The following ZRANB1 variants were observed in gnomAD, a reference collection of about 807,000 sequenced individuals.
ZRANB1 encodes the protein ubiquitin thioesterase ZRANB1.
In ZRANB1, 16 loss-of-function variants were observed where a neutral mutation model predicts 80.5. The ratio of observed to expected loss-of-function variants is 0.20; its 90% confidence interval spans 0.13 to 0.30. The LOEUF (loss-of-function observed/expected upper bound fraction) is 0.30, where lower values mean the gene tolerates loss of function less well. ZRANB1 is among the 10% of genes least tolerant of loss of function. The pLI is 1.00. For synonymous variants in ZRANB1, 291 were observed against 293.1 expected, an observed-to-expected ratio of 0.99 and a Z score of 0.07; for missense variants, 576 against 862.6, an observed-to-expected ratio of 0.67 and a Z score of 4.16.
intron 2 of ZRANB1, among the ~76,000 whole-genome samples, chr10:124,971,757 G>A (rs1001208386): frequency 2.0e-5 from 3 of 152,172 alleles, no homozygotes; most frequent in Non-Finnish European, 2.9e-5. Context: ...GAGAATTACT[G>A]AATCAGAGGA....
At chr10:124,964,656 C>T (rs1390978176) in intron 1 of ZRANB1, among the ~76,000 whole-genome samples, 1 of 152,114 alleles carries the variant, frequency 6.6e-6, no homozygotes, top group Non-Finnish European at 1.5e-5. Flanking sequence ...TGATCAGACT[C>T]TTGGGTTGTT....
chr10:124,979,037 CAAAG>C (rs200283516), intron 5 of ZRANB1, among the ~76,000 whole-genome samples: 1,924 of 152,064 alleles, frequency 0.013, 18 homozygotes, highest in Middle Eastern at 0.024. Context: ...TGTCTGAAAA[CAAAG>C]AAAAACACAA....
intron 2 of ZRANB1, among the ~76,000 whole-genome samples, chr10:124,971,623 C>T (rs891752573): frequency 3.3e-5 from 5 of 152,242 alleles, no homozygotes; most frequent in South Asian, 2.1e-4. Flanking sequence ...ATTGTGTGCA[C>T]GATGGTTAGT....
At chr10:124,953,873 G>A (rs1262902333) in intron 1 of ZRANB1, among the ~76,000 whole-genome samples, 1 of 152,016 alleles carries the variant, frequency 6.6e-6, no homozygotes, top group African/African-American at 2.4e-5. Context: ...TAAGTGCTGG[G>A]TTATGAACTC....
At chr10:124,962,122 T>G (rs955243269) in intron 1 of ZRANB1, among the ~76,000 whole-genome samples, 1 of 152,248 alleles carries the variant, frequency 6.6e-6, no homozygotes, top group African/African-American at 2.4e-5. Context: ...AGCCAAATGC[T>G]TATGATATAA....
At chr10:124,929,713 C>T in the ZRANB1 span, among the ~76,000 whole-genome samples, 580 of 151,438 alleles carry the variant, frequency 3.8e-3, 6 homozygotes, top group African/African-American at 0.014. Flanking sequence ...TGTGGGAGGC[C>T]GAGGCGGGTG....
chr10:124,935,865 G>A, the ZRANB1 span, among the ~76,000 whole-genome samples: 1 of 152,136 alleles, frequency 6.6e-6, no homozygotes, highest in East Asian at 1.9e-4. Context: ...TCGAAGGGAG[G>A]GATGGAAATA....
chr10:124,967,937 T>A (rs1417700669), intron 2 of ZRANB1, among the ~76,000 whole-genome samples: 114 of 152,100 alleles, frequency 7.5e-4, no homozygotes, highest in African/African-American at 2.7e-3. Flanking sequence ...CTCACTCTGT[T>A]GCCCAGGCTG....
intron 5 of ZRANB1, among the ~76,000 whole-genome samples, chr10:124,977,801 G>A (rs891687030): frequency 1.3e-5 from 2 of 151,908 alleles, no homozygotes; most frequent in Non-Finnish European, 2.9e-5. Context: ...GGCTACTAGG[G>A]TGAGAAGGAA....
chr10:124,975,884 C>T (rs1316177251), intron 5 of ZRANB1, among the ~76,000 whole-genome samples: 1 of 152,086 alleles, frequency 6.6e-6, no homozygotes, highest in African/African-American at 2.4e-5. Flanking sequence ...TGCCTATAAT[C>T]CCAGCTATTC....
intron 1 of ZRANB1, among the ~76,000 whole-genome samples, chr10:124,944,561 C>T (rs117886104): frequency 0.083 from 12,050 of 144,402 alleles, 674 homozygotes; most frequent in Admixed American, 0.16. Context: ...TCATGGCTCA[C>T]TGCAGCCTCA....
At chr10:124,968,899 A>G (rs968203820) in intron 2 of ZRANB1, among the ~76,000 whole-genome samples, 1 of 152,192 alleles carries the variant, frequency 6.6e-6, no homozygotes, top group Non-Finnish European at 1.5e-5. Context: ...AAGACAACAA[A>G]TGTATGTTAT....
At chr10:124,961,116 C>T (rs1462789627) in intron 1 of ZRANB1, among the ~76,000 whole-genome samples, 30 of 152,200 alleles carry the variant, frequency 2.0e-4, no homozygotes, top group Admixed American at 1.9e-3. Flanking sequence ...ATTCTCCTGC[C>T]TCAGCCTCCC....
rs543688372 is a variant in ZRANB1 at position 124,987,166 on chromosome 10, T to C, written c.*2174T>C. The C allele has an allele frequency of 2.6e-5, 4 of 151,896 alleles. No individual in the cohort carries two copies. In the South Asian group the frequency reaches 8.4e-4, roughly 32 times the overall value. 9.4% of individuals were successfully genotyped at this position (151,896 alleles called of 1,614,324 possible). A position where few individuals can be genotyped will look rare whatever the true frequency, so the allele number is the denominator to read the frequency against. On this transcript the variant is annotated 3_prime_UTR_variant, in exon 9 of 9. Coordinates refer to ENST00000359653, the MANE Select transcript of ZRANB1 (RefSeq NM_017580.3). The stretch of plus-strand genomic sequence containing the variant: ...ATGCTATATTATGCTCTTGAACTAT[T>C]AAAACAGCCATAATTATTGTCCCAA...
At chr10:124,978,472 T>C (rs1354081275) in intron 5 of ZRANB1, among the ~76,000 whole-genome samples, 3 of 152,238 alleles carry the variant, frequency 2.0e-5, no homozygotes, top group African/African-American at 7.2e-5. Context: ...TGTGCTGTTC[T>C]CTTGGATACC....
intron 1 of ZRANB1, among the ~76,000 whole-genome samples, chr10:124,961,533 C>T (rs141460903): frequency 6.6e-5 from 10 of 152,260 alleles, no homozygotes; most frequent in Admixed American, 3.3e-4. Flanking sequence ...TTCTTTCTTA[C>T]GAAGTTATCT....
chr10:124,962,030 T>C (rs745848585), intron 1 of ZRANB1, among the ~76,000 whole-genome samples: 7 of 152,228 alleles, frequency 4.6e-5, no homozygotes, highest in Non-Finnish European at 1.0e-4. Context: ...TTAAAAAATA[T>C]TGAAGTCATT....
intron 6 of ZRANB1, among the ~76,000 whole-genome samples, chr10:124,982,637 C>T (rs139429212): frequency 1.1e-4 from 16 of 152,152 alleles, no homozygotes; most frequent in African/African-American, 3.1e-4. Flanking sequence ...AGGAGGTACC[C>T]GATCTTTGGG....
intron 5 of ZRANB1, among the ~76,000 whole-genome samples, chr10:124,980,021 T>C (rs1465812475): frequency 6.6e-6 from 1 of 152,244 alleles, no homozygotes; most frequent in Non-Finnish European, 1.5e-5. Context: ...CCTTTGGATT[T>C]CCATATACAT....
Sources: allele counts gnomAD v4.1 joint callset (sites outside exome capture counted in the v4.1 genomes callset), GRCh38; gene constraint gnomAD v4.1.1; transcripts MANE v1.5; gene names NCBI Gene and HGNC (gene_info 2026-07-23, HGNC 2026-07-21).